Variants in NEDD9 observed in about 807,000 individuals in gnomAD.
NEDD9 encodes neural precursor cell expressed, developmentally down-regulated 9, also known as enhancer of filamentation 1.
A neutral mutation model predicts 76.6 loss-of-function variants in NEDD9; 26 were observed. The observed-to-expected ratio is 0.34, with a 90% CI of 0.25 to 0.47. The LOEUF (loss-of-function observed/expected upper bound fraction) is 0.47. NEDD9 is among the 20% of genes least tolerant of loss of function. NEDD9 has a pLI of 1.00. For missense variants in NEDD9, 937 were observed against 1,058.5 expected (o/e 0.89, Z 1.59); for synonymous variants, 392 against 414.2 (o/e 0.95, Z 0.65).
Position 11,185,439 on chromosome 6 carries a change from A to G in NEDD9, c.2228T>C (p.Val743Ala). The G allele has an allele frequency of 6.2e-7, 1 of 1,614,234 alleles. No homozygotes were observed. Among genetic ancestry groups the G allele is most frequent in the South Asian group, 1.1e-5 (1 of 91,088 alleles). ...GAGGATGACAAACTTGCTGTGTGCC[A>G]CGAAGATTCGCGGGGGCTGGGCTGA... is the stretch of plus-strand genomic sequence containing the variant. ...VSSAQPPRIFVAHSKFVILSA... is the reference protein window; with the variant it reads ...VSSAQPPRIFAAHSKFVILSA... Residue 743 changes from valine to alanine, a missense_variant, in exon 7 of 7, where the codon GTG becomes GCG. Coordinates refer to ENST00000379446, the MANE Select transcript of NEDD9 (RefSeq NM_006403.4).
At chr6:11,189,033 G>A (rs1161093266) in intron 5 of NEDD9, among the ~76,000 whole-genome samples, 2 of 149,346 alleles carry the variant, frequency 1.3e-5, no homozygotes, top group Non-Finnish European at 3.0e-5. Context: ...TGCAACCTCC[G>A]CCTCCCAGGT....
At chr6:11,338,882 A>G (rs1762217536) in intron 1 of NEDD9, among the ~76,000 whole-genome samples, 2 of 150,886 alleles carry the variant, frequency 1.3e-5, no homozygotes, top group African/African-American at 2.5e-5. Context: ...AGATTGTGCC[A>G]CTGTACTCCA....
intron 3 of NEDD9, among the ~76,000 whole-genome samples, chr6:11,278,938 G>T (rs946789087): frequency 6.6e-6 from 1 of 151,980 alleles, no homozygotes; most frequent in African/African-American, 2.4e-5. Flanking sequence ...AAAAAAAGCA[G>T]GGGGAAAAAG....
intron 3 of NEDD9, among the ~76,000 whole-genome samples, chr6:11,261,126 G>A (rs1561809392): frequency 6.6e-6 from 1 of 152,104 alleles, no homozygotes; most frequent in Non-Finnish European, 1.5e-5. Flanking sequence ...GATTTGAGAG[G>A]ACTGAGCATC....
chr6:11,358,335 G>T (rs562520472), intron 1 of NEDD9, among the ~76,000 whole-genome samples: 1 of 149,610 alleles, frequency 6.7e-6, no homozygotes, highest in South Asian at 2.1e-4. Flanking sequence ...TTTCCCTGAT[G>T]TCAGAAGCTG....
intron 3 of NEDD9, among the ~76,000 whole-genome samples, chr6:11,288,913 A>T (rs1021445061): frequency 6.6e-6 from 1 of 152,216 alleles, no homozygotes; most frequent in Non-Finnish European, 1.5e-5. Flanking sequence ...TCCATAATTG[A>T]CTAATTGCAG....
At chr6:11,349,763 C>T (rs1762429599) in intron 1 of NEDD9, among the ~76,000 whole-genome samples, 1 of 152,124 alleles carries the variant, frequency 6.6e-6, no homozygotes, top group Admixed American at 6.5e-5. Flanking sequence ...ACACTGGGAA[C>T]TAACTGAGGG....
At chr6:11,262,608 C>T (rs1364258996) in intron 3 of NEDD9, among the ~76,000 whole-genome samples, 1 of 152,234 alleles carries the variant, frequency 6.6e-6, no homozygotes, top group Admixed American at 6.5e-5. Context: ...TGTGGCTCCA[C>T]ATTTCCAATT....
intron 2 of NEDD9, among the ~76,000 whole-genome samples, chr6:11,196,517 A>C (rs547462126): frequency 1.5e-3 from 234 of 152,246 alleles, no homozygotes; most frequent in African/African-American, 4.2e-3. Context: ...TTAACATTTC[A>C]CTTCCTGACA....
At chr6:11,193,486 G>T in intron 3 of NEDD9, 105 bp downstream of exon 3, 2 of 733,272 alleles carry the variant, frequency 2.7e-6, no homozygotes, top group Non-Finnish European at 2.2e-6. Context: ...AGCTTCATAT[G>T]ACATATATTA....
intron 2 of NEDD9, among the ~76,000 whole-genome samples, chr6:11,208,438 T>C (rs2113750882): frequency 6.6e-6 from 1 of 152,320 alleles, no homozygotes; most frequent in Non-Finnish European, 1.5e-5. Flanking sequence ...CAGATGGTAA[T>C]GAGCTGAACC....
chr6:11,354,959 G>C (rs1476786771), intron 1 of NEDD9, among the ~76,000 whole-genome samples: 2 of 152,196 alleles, frequency 1.3e-5, no homozygotes, highest in African/African-American at 4.8e-5. Context: ...CTGATGAGGT[G>C]GAGCCCCTGT....
intron 2 of NEDD9, among the ~76,000 whole-genome samples, chr6:11,319,804 T>TG (rs1761741554): frequency 1.3e-5 from 2 of 150,708 alleles, no homozygotes; most frequent in African/African-American, 2.5e-5. Flanking sequence ...ACTCACACAC[T>TG]GGTGCACACT....
At chr6:11,344,683 A>G (rs1762333077) in intron 1 of NEDD9, among the ~76,000 whole-genome samples, 3 of 152,168 alleles carry the variant, frequency 2.0e-5, no homozygotes, top group Admixed American at 2.0e-4. Context: ...TGCTGTGTCC[A>G]GGTTGTTAGC....
intron 3 of NEDD9, among the ~76,000 whole-genome samples, chr6:11,193,370 T>C (rs1758210133): frequency 6.7e-6 from 1 of 150,348 alleles, no homozygotes; most frequent in Non-Finnish European, 1.5e-5. Context: ...TAGAAGAACA[T>C]AAGCTCTCTT....
In NEDD9 at chr6:11,350,661, C is replaced by T. The variant is rs117482112; in HGVS notation, c.-213-16100G>A. 2.0e-5 allele frequency among the ~76,000 whole-genome samples: 3 copies of T among 152,278 alleles called. No individual in the cohort carries two copies. In the East Asian group the frequency reaches 5.8e-4, roughly 29 times the overall value. On this transcript the variant is annotated intron_variant, in intron 1 of 3. Coordinates refer to the NEDD9 transcript ENST00000397378. The stretch of plus-strand genomic sequence containing the variant: ...TCTTCCCTCAATGTCACTGGTACAT[C>T]AACACAATGATTGGCTTATTGAGCC...
At chr6:11,372,716 T>C (rs746535745) in intron 1 of NEDD9, among the ~76,000 whole-genome samples, 4 of 152,242 alleles carry the variant, frequency 2.6e-5, no homozygotes, top group African/African-American at 4.8e-5. Context: ...GATATCTCAT[T>C]GTAGTTTTGA....
chr6:11,303,559 T>A (rs1761107344), intron 3 of NEDD9, among the ~76,000 whole-genome samples: 1 of 152,088 alleles, frequency 6.6e-6, no homozygotes, highest in Non-Finnish European at 1.5e-5. Context: ...GACTTCAAAC[T>A]ATACTACAAG....
At chr6:11,306,377 C>T (rs1761185360) in intron 2 of NEDD9, among the ~76,000 whole-genome samples, 2 of 152,188 alleles carry the variant, frequency 1.3e-5, no homozygotes, top group South Asian at 4.1e-4. Flanking sequence ...TAGTCCTGTC[C>T]TCAAGGATCC....
Sources: allele counts gnomAD v4.1 joint callset (sites outside exome capture counted in the v4.1 genomes callset), GRCh38; gene constraint gnomAD v4.1.1; transcripts MANE v1.5; gene names NCBI Gene and HGNC (gene_info 2026-07-23, HGNC 2026-07-21).